CDH20: variants seen among roughly 807,000 people sequenced by gnomAD.
The protein encoded by CDH20 is cadherin-20.
Under a neutral mutation model 74.2 loss-of-function variants are expected in CDH20, and 29 were observed. The observed-to-expected ratio is 0.39, with a 90% CI of 0.29 to 0.53. The LOEUF (loss-of-function observed/expected upper bound fraction) is 0.53, where lower values mean the gene tolerates loss of function less well. Among genes scored for constraint, CDH20 ranks in the 20% least tolerant of loss-of-function variants. The pLI, the probability that CDH20 is intolerant of heterozygous loss-of-function variation, is 0.69. For missense variants in CDH20, 988 were observed against 1,048.3 expected (o/e 0.94, Z 0.79); for synonymous variants, 469 against 405.4 (o/e 1.16, Z -1.88).
At chr18:61,432,434 T>C (rs1019862041) in intron 1 of CDH20, among the ~76,000 whole-genome samples, 1 of 152,062 alleles carries the variant, frequency 6.6e-6, no homozygotes, top group Non-Finnish European at 1.5e-5. Flanking sequence ...GGTACTTTTT[T>C]TGGTAGATAA....
intron 10 of CDH20, 51 bp downstream of exon 10, chr18:61,545,195 C>A: frequency 8.5e-7 from 1 of 1,177,970 alleles, no homozygotes; most frequent in Non-Finnish European, 1.3e-6. Flanking sequence ...CATAGGCCAG[C>A]TACTTTGGGT....
intron 1 of CDH20, among the ~76,000 whole-genome samples, chr18:61,429,728 A>C (rs570499020): frequency 6.6e-6 from 1 of 152,310 alleles, no homozygotes; most frequent in East Asian, 1.9e-4. Flanking sequence ...AATTCTCTCT[A>C]ATTCCCAGTA....
intron 1 of CDH20, among the ~76,000 whole-genome samples, chr18:61,462,734 G>C (rs56165136): frequency 0.25 from 35,277 of 138,556 alleles, 5,275 homozygotes; most frequent in Middle Eastern, 0.39. Context: ...AGGGGGGGGG[G>C]GCATCTAGGG....
chr18:61,395,049 A>G lies in CDH20; in HGVS notation c.-153+61222A>G, dbSNP rs561616690. Among the ~76,000 whole-genome samples, 22 of 152,196 alleles carry G rather than the reference A, an allele frequency of 1.4e-4. 1 individual carries two copies. The South Asian group carries it at 4.0e-3, about 27-fold the overall frequency. On this transcript the variant is annotated intron_variant, in intron 1 of 11. Transcript: ENST00000262717. Reference sequence around the variant, plus strand: ...TCACACTCCTCATGCCTCAAGGCCAAGACTTTGAGTTGTTCAAGACTACTT... The same window carrying G: ...TCACACTCCTCATGCCTCAAGGCCAGGACTTTGAGTTGTTCAAGACTACTT...
intron 1 of CDH20, among the ~76,000 whole-genome samples, chr18:61,394,508 C>A (rs1039268233): frequency 5.9e-5 from 9 of 152,082 alleles, no homozygotes; most frequent in Non-Finnish European, 1.0e-4. Context: ...CCAAGGCATG[C>A]CAGTGATCAC....
chr18:61,425,562 G>C (rs1459433303), intron 1 of CDH20, among the ~76,000 whole-genome samples: 2 of 152,196 alleles, frequency 1.3e-5, no homozygotes, highest in Non-Finnish European at 2.9e-5. Flanking sequence ...CAGCAACTTG[G>C]ATGGAGTTGG....
chr18:61,437,758 C>A (rs1157787660), intron 1 of CDH20, among the ~76,000 whole-genome samples: 3 of 152,082 alleles, frequency 2.0e-5, no homozygotes, highest in African/African-American at 7.2e-5. Flanking sequence ...AGAGGTTGAC[C>A]ATTACAGTGA....
At chr18:61,424,673 T>G (rs1405118695) in intron 1 of CDH20, among the ~76,000 whole-genome samples, 1 of 152,188 alleles carries the variant, frequency 6.6e-6, no homozygotes, top group Non-Finnish European at 1.5e-5. Context: ...TCAGAATGCA[T>G]ATTCTTTTTC....
At position 61,545,111 on chromosome 18, in the gene CDH20, A is replaced by G; in HGVS notation, c.1615A>G (p.Asn539Asp). 6.2e-7 allele frequency: 1 copy of G among 1,613,516 alleles called. No individual in the cohort carries two copies. Among genetic ancestry groups the G allele is most frequent in the Non-Finnish European group, 8.5e-7 (1 of 1,179,514 alleles). ...FYYSLAPEAA[N>D]NPNFTIRDNQ... is the part of the protein sequence containing the mutation. ...CTACAGCTTGGCTCCTGAGGCTGCT[A>G]ACAACCCCAACTTTACCATAAGGGA... is the stretch of plus-strand genomic sequence containing the variant. Residue 539 changes from asparagine to aspartate, a missense_variant, in exon 10 of 12, where the codon AAC (asparagine) becomes GAC (aspartate). Coordinates refer to ENST00000262717, the MANE Select transcript of CDH20 (RefSeq NM_031891.4).
rs142096045 is a variant in CDH20, at chr18:61,350,413, C to T, written c.-153+16586C>T. On this transcript the variant is annotated intron_variant, in intron 1 of 11. Transcript: ENST00000262717. ...CTTGGTTGTAGGACAGGACTTCCAG[C>T]GGTCTTGAGTTAATATATCATGGTA... Among the ~76,000 whole-genome samples, 165 of 152,160 alleles carry T rather than the reference C, an allele frequency of 1.1e-3. 1 individual carries two copies. Among genetic ancestry groups the T allele is most frequent in the African/African-American group, 3.8e-3 (156 of 41,512 alleles).
chr18:61,458,658 G>T (rs1317663779), intron 1 of CDH20, among the ~76,000 whole-genome samples: 3 of 152,170 alleles, frequency 2.0e-5, no homozygotes, highest in African/African-American at 7.2e-5. Flanking sequence ...ACGCTAAAGG[G>T]CCCTATAGGC....
At chr18:61,392,730 AC>A (rs1239945188) in intron 1 of CDH20, among the ~76,000 whole-genome samples, 1 of 151,232 alleles carries the variant, frequency 6.6e-6, no homozygotes, top group African/African-American at 2.4e-5. Context: ...CTGCTCTATT[AC>A]TTGACAGTTG....
chr18:61,349,480 C>T (rs1910236375), intron 1 of CDH20, among the ~76,000 whole-genome samples: 2 of 152,170 alleles, frequency 1.3e-5, no homozygotes, highest in Admixed American at 1.3e-4. Flanking sequence ...ATGTTTCCTA[C>T]AGATTCTATA....
chr18:61,383,597 A>G (rs954894830), intron 1 of CDH20, among the ~76,000 whole-genome samples: 3 of 152,190 alleles, frequency 2.0e-5, no homozygotes, highest in Non-Finnish European at 2.9e-5. Flanking sequence ...AATAAAAAAT[A>G]AAAAATACAT....
intron 1 of CDH20, among the ~76,000 whole-genome samples, chr18:61,459,475 AT>A (rs1318794108): frequency 6.6e-6 from 1 of 152,188 alleles, no homozygotes; most frequent in Non-Finnish European, 1.5e-5. Flanking sequence ...GCTAAGTCCT[AT>A]ATGCACACCA....
intron 1 of CDH20, among the ~76,000 whole-genome samples, chr18:61,376,449 T>G (rs1318549171): frequency 6.6e-6 from 1 of 152,100 alleles, no homozygotes; most frequent in East Asian, 1.9e-4. Flanking sequence ...ATATGGAACA[T>G]AAATGGAGAG....
At chr18:61,354,585 G>C (rs1169414739) in intron 1 of CDH20, among the ~76,000 whole-genome samples, 1 of 151,820 alleles carries the variant, frequency 6.6e-6, no homozygotes, top group Non-Finnish European at 1.5e-5. Context: ...CTCCAGACTG[G>C]GCGACAGAGT....
Position 61,555,755 on chromosome 18 carries a change from T to G in CDH20, c.*1060T>G. 1.0e-6 allele frequency: 1 copy of G among 955,140 alleles called. No individual in the cohort carries two copies. The highest frequency in any genetic ancestry group is 1.2e-6 in the Non-Finnish European group (1 of 802,346). 59.2% of individuals were successfully genotyped at this position (955,140 alleles called of 1,614,324 possible). A position where few individuals can be genotyped will look rare whatever the true frequency, so the allele number is the denominator to read the frequency against. On this transcript the variant is annotated 3_prime_UTR_variant, in exon 12 of 12. Transcript: ENST00000262717. ...CATCTCAGTACCTTAGCACTTCTTT[T>G]AATAAAAGTTAAATAGAAGGAAAAG... is the stretch of plus-strand genomic sequence containing the variant.
chr18:61,392,004 G>C (rs938453456), intron 1 of CDH20, among the ~76,000 whole-genome samples: 1 of 152,008 alleles, frequency 6.6e-6, no homozygotes, highest in Non-Finnish European at 1.5e-5. Flanking sequence ...CACTGCAGCT[G>C]TGGGGAAAGT....
Sources: allele counts gnomAD v4.1 joint callset (sites outside exome capture counted in the v4.1 genomes callset), GRCh38; gene constraint gnomAD v4.1.1; transcripts MANE v1.5; gene names NCBI Gene and HGNC (gene_info 2026-07-23, HGNC 2026-07-21).